The following RNF213 variants were observed in gnomAD, a reference collection of about 807,000 sequenced individuals.
RNF213 encodes the protein E3 ubiquitin-protein ligase RNF213.
A neutral mutation model predicts 514.4 loss-of-function variants in RNF213; 341 were observed. The observed-to-expected ratio is 0.66, with a 90% confidence interval of 0.61 to 0.73. The LOEUF (loss-of-function observed/expected upper bound fraction) is 0.73, where lower values mean the gene tolerates loss of function less well. Ranked by LOEUF, RNF213 falls within the 30% of genes least tolerant of loss-of-function variation. The pLI, the probability that RNF213 is intolerant of heterozygous loss-of-function variation, is 0.00. For synonymous variants in RNF213, 2,655 were observed against 2,658.2 expected (o/e 1.00, Z 0.04); for missense variants, 5,767 against 6,615.6 (o/e 0.87, Z 4.45).
rs1860847293 is a variant in RNF213, at chr17:80,396,499, T to C, written c.*3001T>C. On this transcript the variant is annotated 3_prime_UTR_variant, in exon 68 of 68. Transcript: ENST00000582970. ...GTCTAGCCATGCACACAGGCACTAG[T>C]GTGCTGAAGGAAAACACCTCTGATT... 6.6e-6 allele frequency: 1 copy of C among 152,156 alleles called. No homozygotes were observed. Among genetic ancestry groups the C allele is most frequent in the Non-Finnish European group, 1.5e-5 (1 of 68,020 alleles). The allele number at this position is 152,156 out of a possible 1,614,324, so 9.4% of individuals were successfully genotyped here.
Position 80,374,884 on chromosome 17 carries a change from T to G in RNF213, c.13074+295T>G, listed in dbSNP as rs1352031042. 4.3e-5 allele frequency: 18 copies of G among 416,280 alleles called. No homozygotes were observed. In the East Asian group the frequency reaches 9.2e-4, roughly 21 times the overall value. The allele number at this position is 416,280 out of a possible 1,614,324, so 25.8% of individuals were successfully genotyped here. Reference sequence around the variant, plus strand: ...TTTGATTTATGCCCATTACTTCCTTTGAGACCCTGCTGGAAAACAGTCTAA... The same window carrying G: ...TTTGATTTATGCCCATTACTTCCTTGGAGACCCTGCTGGAAAACAGTCTAA... On this transcript the variant is annotated intron_variant, in intron 50 of 67. Coordinates refer to ENST00000582970, the MANE Select transcript of RNF213 (RefSeq NM_001256071.3).
At chr17:80,337,375 G>A (rs1568089158) in intron 23 of RNF213, 3 of 587,246 alleles carry the variant, frequency 5.1e-6, no homozygotes, top group Admixed American at 6.2e-5. Context: ...GTGGAACAGC[G>A]AGTACAAAGC....
chr17:80,317,149 G>A lies in RNF213; in HGVS notation c.2812-39G>A. The A allele has an allele frequency of 1.3e-6, 2 of 1,596,960 alleles. No individual in the cohort carries two copies. The highest frequency in any genetic ancestry group is 1.7e-6 in the Non-Finnish European group (2 of 1,170,296). On this transcript the variant is annotated intron_variant, in intron 15 of 67. Transcript: ENST00000582970. This position sits in a 1 kb window ranked among gnomAD's most constrained non-coding sequence, Gnocchi z 4.1. ...TCATGGGAGTGTGCCGTGGCATTTA[G>A]TCGTGAGAGTGGGTGTGACCTGTGT...
intron 29 of RNF213, among the ~76,000 whole-genome samples, chr17:80,349,544 C>T (rs1453403756): frequency 3.3e-5 from 5 of 152,158 alleles, no homozygotes; most frequent in African/African-American, 9.7e-5. Context: ...AAGGCACCCT[C>T]GGGGCAGGGT....
At chr17:80,311,680 C>A (rs1210372465) in intron 14 of RNF213, among the ~76,000 whole-genome samples, 1 of 152,222 alleles carries the variant, frequency 6.6e-6, no homozygotes, top group Non-Finnish European at 1.5e-5. Flanking sequence ...CTCTCTCCCA[C>A]TCTCGGGCAG....
At chr17:80,344,096 T>C in intron 28 of RNF213, 81 bp downstream of exon 28, 6 of 1,458,274 alleles carry the variant, frequency 4.1e-6, no homozygotes, top group Non-Finnish European at 5.6e-6. Flanking sequence ...ATGGCGCGTT[T>C]AGGAGACTCC....
At position 80,371,988 on chromosome 17, in the gene RNF213, A is replaced by G; in HGVS notation, c.12537+3A>G. On this transcript the variant is annotated splice_donor_region_variant and intron_variant, in intron 47 of 67. Transcript: ENST00000582970. ...TGCTCTTCATCAACTGCCTGGAGGTAAGTGAACTCTCTCTTCCCTGAATTT... is the reference window on the plus strand; with the variant it reads ...TGCTCTTCATCAACTGCCTGGAGGTGAGTGAACTCTCTCTTCCCTGAATTT... The G allele has an allele frequency of 7.0e-7, 1 of 1,422,082 alleles. No individual in the cohort carries two copies. Among genetic ancestry groups the G allele is most frequent in the Admixed American group, 1.7e-5 (1 of 59,796 alleles). The allele number at this position is 1,422,082 out of a possible 1,614,324, so 88.1% of individuals were successfully genotyped here.
At chr17:80,385,911 C>T (rs1015319501) in intron 61 of RNF213, among the ~76,000 whole-genome samples, 5 of 152,226 alleles carry the variant, frequency 3.3e-5, no homozygotes, top group African/African-American at 9.6e-5. Context: ...GGCAATCCAC[C>T]CGCCTCGGCC....
At chr17:80,270,751 C>A (rs2043794474) in intron 2 of RNF213, among the ~76,000 whole-genome samples, 1 of 152,142 alleles carries the variant, frequency 6.6e-6, no homozygotes, top group African/African-American at 2.4e-5. Context: ...AGCCTGAAAC[C>A]CAGCTCTCCT....
intron 15 of RNF213, among the ~76,000 whole-genome samples, chr17:80,314,082 G>A (rs376972914): frequency 0.027 from 1,972 of 74,176 alleles, 5 homozygotes; most frequent in Non-Finnish European, 0.037. Context: ...GGTGGTGGTG[G>A]AGGTGATGGT....
chr17:80,309,663 G>A (rs1347898958), intron 14 of RNF213, among the ~76,000 whole-genome samples: 2 of 152,070 alleles, frequency 1.3e-5, no homozygotes, highest in Non-Finnish European at 2.9e-5. Context: ...GCTGCATGTC[G>A]TGTCCCAGGT....
At chr17:80,382,635 G>T in intron 57 of RNF213, 1 of 339,642 alleles carries the variant, frequency 2.9e-6, no homozygotes, top group Non-Finnish European at 5.7e-6. Flanking sequence ...CATCTGTGTG[G>T]TCTGCCTCAG....
At chr17:80,337,346 A>T (rs761704553) in intron 23 of RNF213, among the ~76,000 whole-genome samples, 1 of 152,208 alleles carries the variant, frequency 6.6e-6, no homozygotes, top group Non-Finnish European at 1.5e-5. Context: ...CAGCCGGGGC[A>T]CCAGGCACTG....
chr17:80,282,467 C>T (rs563876998), intron 3 of RNF213, among the ~76,000 whole-genome samples: 13 of 151,760 alleles, frequency 8.6e-5, no homozygotes, highest in African/African-American at 2.7e-4. Flanking sequence ...GGCACAATCT[C>T]GGCTCACTGC....
chr17:80,367,942 T>G lies in RNF213; in HGVS notation c.11973-19T>G, dbSNP rs2079346463. The G allele has an allele frequency of 2.5e-6, 4 of 1,614,136 alleles. No homozygotes were observed. Among genetic ancestry groups the G allele is most frequent in the Non-Finnish European group, 3.4e-6 (4 of 1,180,054 alleles). On this transcript the variant is annotated intron_variant, in intron 43 of 67. Transcript: ENST00000582970. Reference sequence around the variant, plus strand: ...CCAGTTTCTCTGCTTCAGAACTGATTGCCCTTCTTGGATTCTAGGTTTGGG... The same window carrying G: ...CCAGTTTCTCTGCTTCAGAACTGATGGCCCTTCTTGGATTCTAGGTTTGGG...
At chr17:80,356,891 C>T (rs1356785232) in intron 36 of RNF213, among the ~76,000 whole-genome samples, 2 of 150,290 alleles carry the variant, frequency 1.3e-5, no homozygotes, top group African/African-American at 4.9e-5. Context: ...AGAGAGGCTT[C>T]GCTTTTCCCC....
At chr17:80,387,524 T>C (rs909034159) in intron 63 of RNF213, among the ~76,000 whole-genome samples, 2 of 152,222 alleles carry the variant, frequency 1.3e-5, no homozygotes, top group African/African-American at 4.8e-5. Flanking sequence ...CTGTGTGTCC[T>C]CACCTGACTG....
At chr17:80,299,217 T>TTGTTAAGATAATGATTG (rs61152002) in intron 11 of RNF213, among the ~76,000 whole-genome samples, 22,074 of 152,078 alleles carry the variant, frequency 0.15, 1,740 homozygotes, top group African/African-American at 0.17. Flanking sequence ...CTTGTCTATG[T>TTGTTAAGATAATGATTG]CTTAGCGTTC....
Position 80,339,800 on chromosome 17 carries a change from G to A in RNF213, c.5433G>A (p.Gly1811=). Residue 1811 remains glycine (G), a synonymous_variant, in exon 26 of 68, where the codon GGG becomes GGA. Transcript: ENST00000582970. ...GCCACTGTCTGGCTCACCTGGCAGG[G>A]ATGGGTGGGTCTCCCGTGGAGCGTT... ...TLGHCLAHLA[G]MGGSPVERCL... 6.5e-7 allele frequency: 1 copy of A among 1,534,558 alleles called. No individual in the cohort carries two copies. The highest frequency in any genetic ancestry group is 1.4e-5 in the African/African-American group (1 of 73,092).
Sources: gnomAD v4.1 joint callset for allele counts (sites outside exome capture counted in the v4.1 genomes callset) on GRCh38, gnomAD v4.1.1 for gene constraint, Gnocchi (gnomAD v3.1) non-coding constraint, MANE v1.5 for transcripts, NCBI Gene and HGNC (gene_info 2026-07-23, HGNC 2026-07-21) for gene names.